Variants in MGAM observed in about 807,000 individuals in gnomAD.
MGAM encodes maltase-glucoamylase, also known as alpha-1,4-glucosidase.
A neutral mutation model predicts 358.8 loss-of-function variants in MGAM; 253 were observed. The observed-to-expected ratio is 0.71, with a 90% confidence interval of 0.64 to 0.78. The LOEUF (loss-of-function observed/expected upper bound fraction) is 0.78, where lower values mean the gene tolerates loss of function less well. Ranked by LOEUF, MGAM falls within the 30% of genes least tolerant of loss-of-function variation. The pLI, the probability that MGAM is intolerant of heterozygous loss-of-function variation, is 0.00. For synonymous variants in MGAM, 1,105 were observed against 1,227.1 expected, an observed-to-expected ratio of 0.90 and a Z score of 2.08; for missense variants, 3,080 against 3,432.6, an observed-to-expected ratio of 0.90 and a Z score of 2.57.
At chr7:142,041,552 G>A (rs1016012614) in intron 21 of MGAM, among the ~76,000 whole-genome samples, 2 of 151,812 alleles carry the variant, frequency 1.3e-5, no homozygotes, top group Admixed American at 6.6e-5. Flanking sequence ...TTGCTCCCAG[G>A]CTTGAAGTCC....
rs759369348 is a variant in MGAM at position 142,092,475 on chromosome 7, G to T, written c.6946-46G>T. The T allele has an allele frequency of 2.1e-6, 3 of 1,454,860 alleles. No individual in the cohort carries two copies. The East Asian group carries it at 7.2e-5, about 35-fold the overall frequency. 90.1% of individuals were successfully genotyped at this position (1,454,860 alleles called of 1,614,324 possible). The stretch of plus-strand genomic sequence containing the variant: ...TTCCTTGGCTCAGAATTGGCAGGAC[G>T]TAATTATCTTAAAAAGTGAGGTATG... On this transcript the variant is annotated intron_variant, in intron 58 of 70. Transcript: ENST00000475668.
intron 68 of MGAM, among the ~76,000 whole-genome samples, chr7:142,101,735 C>T (rs757647044): frequency 2.6e-5 from 4 of 151,436 alleles, no homozygotes; most frequent in African/African-American, 9.7e-5. Context: ...CAGAAACCCC[C>T]TCTCTACTAA....
chr7:142,103,452 C>T lies in MGAM; in HGVS notation c.8184+13C>T, dbSNP rs756873351. On this transcript the variant is annotated intron_variant, in intron 70 of 70. Transcript: ENST00000475668. ...CCCCACGACACAGGTTTGTGACCAGCAAAAAGTGCGAATGGTATTCTCCAC... is the reference window on the plus strand; with the variant it reads ...CCCCACGACACAGGTTTGTGACCAGTAAAAAGTGCGAATGGTATTCTCCAC... The T allele has an allele frequency of 2.5e-6, 4 of 1,580,452 alleles. No individual in the cohort carries two copies. The highest frequency in any genetic ancestry group is 4.5e-5 in the East Asian group (2 of 44,464).
rs552251537 is a variant in MGAM at position 142,025,571 on chromosome 7, TC to T, written c.982+424del. Among the ~76,000 whole-genome samples, 19 of 152,284 alleles carry T rather than the reference TC, an allele frequency of 1.2e-4. No homozygotes were observed. In the East Asian group the frequency reaches 3.7e-3, roughly 29 times the overall value. On this transcript the variant is annotated intron_variant, in intron 8 of 70. Transcript: ENST00000475668. ...ATTGATGGTGGGCATAGGGTATTGA[TC>T]CATACCTTTTCTTAATTGAGAGTCA...
In MGAM at chr7:142,089,020, C is replaced by G. The variant is rs1164083621; in HGVS notation, c.6810+2303C>G. ...TGTATCTATCTATCTATCTATCTAT[C>G]TATCTATCTATCTATACTGTTCAAG... On this transcript the variant is annotated intron_variant, in intron 57 of 70. Coordinates refer to ENST00000475668, the MANE Select transcript of MGAM (RefSeq NM_001365693.1). 5.6e-5 allele frequency among the ~76,000 whole-genome samples: 8 copies of G among 143,174 alleles called. 1 individual carries two copies. Among genetic ancestry groups the G allele is most frequent in the Non-Finnish European group, 9.4e-5 (6 of 63,534 alleles). 93.9% of individuals were successfully genotyped at this position (143,174 alleles called of 152,430 possible). A position where few individuals can be genotyped will look rare whatever the true frequency, so the allele number is the denominator to read the frequency against.
In MGAM at chr7:142,054,736, T is replaced by G. The variant is rs768026357; in HGVS notation, c.3160-18T>G. 8.7e-6 allele frequency: 14 copies of G among 1,613,000 alleles called. No homozygotes were observed. The highest frequency in any genetic ancestry group is 1.2e-5 in the Non-Finnish European group (14 of 1,179,454). ...CAAGAGTAGTATTGTTGCCTAAAATTGATTTCCTCTGGCCTAGATTTATGA... is the reference window on the plus strand; with the variant it reads ...CAAGAGTAGTATTGTTGCCTAAAATGGATTTCCTCTGGCCTAGATTTATGA... On this transcript the variant is annotated intron_variant, in intron 26 of 70. Coordinates refer to ENST00000475668, the MANE Select transcript of MGAM (RefSeq NM_001365693.1).
chr7:142,008,584 A>G lies in MGAM; in HGVS notation c.206A>G (p.His69Arg), dbSNP rs782733042. Residue 69 changes from histidine (H) to arginine (R), a missense_variant, in exon 3 of 71, where the codon CAT becomes CGT. Around this residue, in one of 5 missense-constraint regions of MGAM, gnomAD observed 1,816 missense variants for 1,840.5 expected, o/e 0.99. Coordinates refer to ENST00000475668, the MANE Select transcript of MGAM (RefSeq NM_001365693.1). ...GATCCTGGAACAACTGGTACCACAC[A>G]TGCTAGGACAACGGGTCCCCCAGAT... ...TPDPGTTGTT[H>R]ARTTGPPDPG... 8.1e-6 allele frequency: 13 copies of G among 1,612,902 alleles called. No individual in the cohort carries two copies. In the Admixed American group the frequency reaches 1.5e-4, roughly 19 times the overall value.
intron 2 of MGAM, among the ~76,000 whole-genome samples, chr7:141,987,674 A>T (rs1554446478): frequency 6.6e-6 from 1 of 152,218 alleles, no homozygotes; most frequent in African/African-American, 2.4e-5. Flanking sequence ...CTCTGAGGTG[A>T]GGATGCTAGA....
At position 142,059,966 on chromosome 7, in the gene MGAM, G is replaced by T. The variant is rs368053105; in HGVS notation, c.4059G>T (p.Lys1353Asn). 7.5e-5 allele frequency: 120 copies of T among 1,599,630 alleles called. 2 individuals are homozygous for T. In the South Asian group the frequency reaches 1.3e-3, roughly 18 times the overall value. The change falls in exon 33 of 71, where the codon AAG (lysine) becomes AAT (asparagine). Residue 1353 changes from lysine to asparagine, a missense_variant and splice_region_variant. By Grantham distance (94) the Lys-to-Asn change is moderately conservative (BLOSUM62 0). Around this residue, in one of 5 missense-constraint regions of MGAM, gnomAD observed 1,816 missense variants for 1,840.5 expected, o/e 0.99. Coordinates refer to ENST00000475668, the MANE Select transcript of MGAM (RefSeq NM_001365693.1). ...YPNDGDIVWG[K>N]VWPDFPDVVV... ...ATGATGGAGACATTGTCTGGGGAAAGGTATAATCCTAAGCGATGATCCACT... is the reference window on the plus strand; with the variant it reads ...ATGATGGAGACATTGTCTGGGGAAATGTATAATCCTAAGCGATGATCCACT...
intron 3 of MGAM, among the ~76,000 whole-genome samples, chr7:142,013,605 T>C (rs1418788829): frequency 5.9e-5 from 9 of 152,216 alleles, no homozygotes; most frequent in African/African-American, 1.9e-4. Flanking sequence ...TTCTAGTTGA[T>C]AATTGATTTC....
chr7:142,054,749 C>T lies in MGAM; in HGVS notation c.3160-5C>T, dbSNP rs1585020602. 1.2e-6 allele frequency: 2 copies of T among 1,613,504 alleles called. No homozygotes were observed. The highest frequency in any genetic ancestry group is 1.7e-6 in the Non-Finnish European group (2 of 1,179,662). ...GTTGCCTAAAATTGATTTCCTCTGG[C>T]CTAGATTTATGATCCCAACAAGAAT... On this transcript the variant is annotated splice_region_variant and splice_polypyrimidine_tract_variant and intron_variant, in intron 26 of 70. Transcript: ENST00000475668.
intron 21 of MGAM, among the ~76,000 whole-genome samples, chr7:142,044,160 TA>T (rs1809592302): frequency 7.0e-6 from 1 of 143,688 alleles, no homozygotes; most frequent in African/African-American, 2.5e-5. Flanking sequence ...ATACGACGTA[TA>T]ATATATACAT....
chr7:142,041,601 A>G (rs1808550117), intron 21 of MGAM, among the ~76,000 whole-genome samples: 1 of 151,416 alleles, frequency 6.6e-6, no homozygotes, highest in Non-Finnish European at 1.5e-5. Flanking sequence ...ACCAATCACA[A>G]CCTGGTTTCA....
Position 142,076,935 on chromosome 7 carries a change from GC to G in MGAM, c.5493+110del. 5 of 1,251,696 alleles carry G rather than the reference GC, an allele frequency of 4.0e-6. 1 individual carries two copies. The highest frequency in any genetic ancestry group is 5.7e-6 in the Non-Finnish European group (5 of 878,902). 77.5% of individuals were successfully genotyped at this position (1,251,696 alleles called of 1,614,324 possible). A position where few individuals can be genotyped will look rare whatever the true frequency, so the allele number is the denominator to read the frequency against. ...CCTGAAGTACCAGGGCACCTTTGAT[GC>G]ATGTTTTGGGGAATTGAGAGGGCAC... On this transcript the variant is annotated intron_variant, in intron 47 of 70. Transcript: ENST00000475668.
chr7:142,027,842 G>A (rs1040428133), intron 10 of MGAM, 107 bp downstream of exon 10: 4 of 1,250,816 alleles, frequency 3.2e-6, no homozygotes, highest in Middle Eastern at 2.3e-4. Flanking sequence ...TATTTATTTG[G>A]TAATGAAAGG....
At chr7:141,989,344 G>A (rs1274425446) in intron 2 of MGAM, among the ~76,000 whole-genome samples, 3 of 152,076 alleles carry the variant, frequency 2.0e-5, no homozygotes, top group Non-Finnish European at 4.4e-5. Context: ...CTGAGGAGGG[G>A]TTGGGAAACT....
At chr7:141,988,068 A>G (rs1248678723) in intron 2 of MGAM, among the ~76,000 whole-genome samples, 1 of 151,900 alleles carries the variant, frequency 6.6e-6, no homozygotes, top group Non-Finnish European at 1.5e-5. Flanking sequence ...TGGGTGGATC[A>G]CCTGAGGTCA....
chr7:142,019,306 C>G lies in MGAM; in HGVS notation c.435C>G (p.Val145=). The G allele has an allele frequency of 6.2e-7, 1 of 1,613,012 alleles. No homozygotes were observed. The highest frequency in any genetic ancestry group is 8.5e-7 in the Non-Finnish European group (1 of 1,179,580). The change falls in exon 4 of 71, where the codon GTC becomes GTG. Residue 145 remains valine (V), a synonymous_variant. Transcript: ENST00000475668. ...NHSYHVEGNL[V]NTNAGFTARL... ...GCTACCATGTAGAGGGCAACCTTGT[C>G]AACACAAATGCAGGTAAGCCAGAGT...
chr7:142,045,168 T>TC (rs1809932979), intron 21 of MGAM, among the ~76,000 whole-genome samples: 1 of 79,522 alleles, frequency 1.3e-5, no homozygotes, highest in African/African-American at 5.4e-5. Flanking sequence ...ATATAATATA[T>TC]ATATTATATA....
Sources: gnomAD v4.1 joint callset for allele counts (sites outside exome capture counted in the v4.1 genomes callset) on GRCh38, gnomAD v4.1.1 for gene constraint, gnomAD v4.1.1 regional missense constraint, MANE v1.5 for transcripts, NCBI Gene and HGNC (gene_info 2026-07-23, HGNC 2026-07-21) for gene names.